Variants in HACE1 observed in about 807,000 individuals in gnomAD.
HACE1 encodes HECT domain and ankyrin repeat containing E3 ubiquitin protein ligase 1, also known as E3 ubiquitin-protein ligase HACE1.
A neutral mutation model predicts 118.4 loss-of-function variants in HACE1; 73 were observed. The observed-to-expected ratio is 0.62, with a 90% CI of 0.51 to 0.75. HACE1 has a LOEUF of 0.75. HACE1 is among the 30% of genes least tolerant of loss of function. The pLI is 0.00. For synonymous variants in HACE1, 368 were observed against 374.8 expected, an observed-to-expected ratio of 0.98 and a Z score of 0.21; for missense variants, 749 against 1,102.2, an observed-to-expected ratio of 0.68 and a Z score of 4.54.
chr6:104,834,017 A>ATG (rs1774276007), intron 5 of HACE1, among the ~76,000 whole-genome samples: 1 of 151,912 alleles, frequency 6.6e-6, no homozygotes, highest in Non-Finnish European at 1.5e-5. Flanking sequence ...GGTGGCATAC[A>ATG]CCTATGGTCC....
At position 104,855,442 on chromosome 6, in the gene HACE1, C is replaced by T. The variant is rs552803167; in HGVS notation, c.77-3071G>A. The stretch of plus-strand genomic sequence containing the variant: ...TGGGCAACAGAGCGAGACTCCATCT[C>T]GGAAAAAAAAATAAAAAATAAAGAT... On this transcript the variant is annotated intron_variant, in intron 1 of 23. Coordinates refer to ENST00000262903, the MANE Select transcript of HACE1 (RefSeq NM_020771.4). Among the ~76,000 whole-genome samples the T allele has an allele frequency of 7.3e-5, 11 of 149,870 alleles. No homozygotes were observed. The South Asian group carries it at 2.1e-3, about 29-fold the overall frequency.
intron 5 of HACE1, among the ~76,000 whole-genome samples, chr6:104,839,442 T>C (rs1168513576): frequency 1.3e-5 from 2 of 152,190 alleles, no homozygotes; most frequent in South Asian, 4.1e-4. Flanking sequence ...TACAATATAG[T>C]TCTATCTCTG....
chr6:104,790,649 G>A (rs1782931102), intron 11 of HACE1, among the ~76,000 whole-genome samples: 2 of 152,168 alleles, frequency 1.3e-5, no homozygotes, highest in Non-Finnish European at 2.9e-5. Context: ...AGCTACTGGG[G>A]AGGTTGAGGT....
intron 11 of HACE1, 135 bp downstream of exon 11, chr6:104,791,369 C>A: frequency 1.3e-6 from 1 of 751,682 alleles, no homozygotes; most frequent in East Asian, 2.5e-5. Context: ...GAAAGGTGTG[C>A]CTAATTTTGA....
chr6:104,783,926 A>T (rs753362703), intron 14 of HACE1, among the ~76,000 whole-genome samples, 160 bp downstream of exon 14: 1 of 152,246 alleles, frequency 6.6e-6, no homozygotes, highest in Non-Finnish European at 1.5e-5. Context: ...CACTCAGTAC[A>T]TATTTCTTGA....
intron 1 of HACE1, among the ~76,000 whole-genome samples, chr6:104,854,730 GTAT>G (rs1263192213): frequency 1.3e-5 from 2 of 152,020 alleles, no homozygotes; most frequent in East Asian, 1.9e-4. Flanking sequence ...TCTAGTAATG[GTAT>G]TATAATTGTG....
Position 104,772,800 on chromosome 6 carries a change from T to C in HACE1, c.1865-726A>G, listed in dbSNP as rs530603799. On this transcript the variant is annotated intron_variant, in intron 17 of 23. Transcript: ENST00000262903. ...ATCCACTTTTATAAAATATCTAGAA[T>C]AGGCAAATTTATAGATAGGTAAAGT... 4.6e-5 allele frequency among the ~76,000 whole-genome samples: 7 copies of C among 152,254 alleles called. No homozygotes were observed. In the South Asian group the frequency reaches 1.2e-3, roughly 27 times the overall value.
chr6:104,805,382 C>T (rs531399382), intron 7 of HACE1, among the ~76,000 whole-genome samples: 12 of 152,260 alleles, frequency 7.9e-5, no homozygotes, highest in Non-Finnish European at 1.8e-4. Flanking sequence ...ATAAATCATG[C>T]TACTATAAAG....
chr6:104,856,792 C>T (rs1479393507), intron 1 of HACE1, among the ~76,000 whole-genome samples: 2 of 152,118 alleles, frequency 1.3e-5, no homozygotes, highest in Admixed American at 1.3e-4. Flanking sequence ...TTACTCTTCA[C>T]CTCTTTTTCT....
intron 6 of HACE1, among the ~76,000 whole-genome samples, chr6:104,825,126 G>T (rs929581936): frequency 6.6e-6 from 1 of 151,412 alleles, no homozygotes; most frequent in African/African-American, 2.4e-5. Context: ...GAAAATGGCA[G>T]AATATATGGA....
chr6:104,802,903 C>A (rs184383808), intron 7 of HACE1, among the ~76,000 whole-genome samples: 3 of 152,182 alleles, frequency 2.0e-5, no homozygotes, highest in Non-Finnish European at 4.4e-5. Flanking sequence ...AAAAACCCTT[C>A]AAAAAATCAA....
chr6:104,751,398 G>A (rs1475963771), intron 19 of HACE1, among the ~76,000 whole-genome samples: 1 of 152,144 alleles, frequency 6.6e-6, no homozygotes, highest in African/African-American at 2.4e-5. Flanking sequence ...CTGAGTTAAG[G>A]TAATCTACAT....
rs549996071 is a variant in HACE1, at chr6:104,804,039, C to CA, written c.618-7015dup. On this transcript the variant is annotated intron_variant, in intron 7 of 23. Transcript: ENST00000262903. ...AGTCTCAGGATACAAAATCAATGGG[C>CA]AAAAATCACAAGCATTCTTATACAC... 2.5e-3 allele frequency among the ~76,000 whole-genome samples: 373 copies of CA among 152,212 alleles called. 8 individuals are homozygous for CA. The East Asian group carries it at 0.055, about 22-fold the overall frequency.
chr6:104,828,564 T>TA (rs1773555481), intron 6 of HACE1, among the ~76,000 whole-genome samples: 3 of 151,954 alleles, frequency 2.0e-5, no homozygotes, highest in Non-Finnish European at 4.4e-5. Flanking sequence ...ATTAAGAAGT[T>TA]GTTATGATTC....
At chr6:104,809,638 A>C (rs1426624730) in intron 7 of HACE1, among the ~76,000 whole-genome samples, 1 of 150,736 alleles carries the variant, frequency 6.6e-6, no homozygotes, top group East Asian at 1.9e-4. Context: ...TTAAACACAA[A>C]GTAACAAGAG....
intron 6 of HACE1, among the ~76,000 whole-genome samples, chr6:104,830,288 TC>T (rs1183077540): frequency 2.6e-5 from 4 of 152,156 alleles, no homozygotes; most frequent in African/African-American, 9.7e-5. Flanking sequence ...CATCTTTTTT[TC>T]CCACATAGAA....
In HACE1 at chr6:104,797,026, CTG is replaced by C. The variant is rs769993255; in HGVS notation, c.618-3_618-2del. Reference sequence around the variant, plus strand: ...CTGTGCTGTATCTCTCTGACCATGACTGTGTGGAAATAGAAACAAGTTAAAAA... The same window carrying C: ...CTGTGCTGTATCTCTCTGACCATGACTGTGGAAATAGAAACAAGTTAAAAA... On this transcript the variant is annotated splice_acceptor_variant and splice_polypyrimidine_tract_variant and intron_variant, in intron 7 of 23. Coordinates refer to ENST00000262903, the MANE Select transcript of HACE1 (RefSeq NM_020771.4). LOFTEE classifies it high-confidence loss of function. 6.5e-7 allele frequency: 1 copy of C among 1,533,806 alleles called. No individual in the cohort carries two copies. The highest frequency in any genetic ancestry group is 9.0e-7 in the Non-Finnish European group (1 of 1,107,150).
chr6:104,845,362 A>G lies in HACE1; in HGVS notation c.327-2064T>C, dbSNP rs574212475. On this transcript the variant is annotated intron_variant, in intron 4 of 23. Transcript: ENST00000262903. ...CATTGATTGAATAAAACTTTTTAGA[A>G]AAAAACAACTGACAAGTTACTTTTC... Among the ~76,000 whole-genome samples the G allele has an allele frequency of 3.3e-5, 5 of 152,294 alleles. No individual in the cohort carries two copies. The South Asian group carries it at 1.0e-3, about 32-fold the overall frequency.
intron 4 of HACE1, chr6:104,845,665 G>C (rs1417804810): frequency 6.6e-6 from 1 of 152,078 alleles, no homozygotes; most frequent in Non-Finnish European, 1.5e-5. Context: ...TTTTAGTAGA[G>C]AAGGGGTTTC....
Sources: gnomAD v4.1 joint callset for allele counts (sites outside exome capture counted in the v4.1 genomes callset) on GRCh38, gnomAD v4.1.1 for gene constraint, MANE v1.5 for transcripts, NCBI Gene and HGNC (gene_info 2026-07-23, HGNC 2026-07-21) for gene names.